SDK2: variants seen among roughly 807,000 people sequenced by gnomAD.
The protein encoded by SDK2 is protein sidekick-2.
In SDK2, 105 loss-of-function variants were observed where a neutral mutation model predicts 253.9. The observed-to-expected ratio is 0.41, with a 90% CI of 0.35 to 0.49. The LOEUF (loss-of-function observed/expected upper bound fraction) is 0.49. Ranked by LOEUF, SDK2 falls within the 20% of genes least tolerant of loss-of-function variation. The pLI is 0.06. For missense variants in SDK2, 2,608 were observed against 3,003.0 expected (o/e 0.87, Z 3.07); for synonymous variants, 1,249 against 1,234.9 (o/e 1.01, Z -0.24).
intron 2 of SDK2, among the ~76,000 whole-genome samples, chr17:73,484,456 T>C (rs1415830225): frequency 1.3e-5 from 2 of 152,194 alleles, no homozygotes; most frequent in Non-Finnish European, 2.9e-5. Context: ...TGCACAGTGG[T>C]GCTGGCTGAG....
chr17:73,433,184 G>A (rs1395571922), intron 10 of SDK2, among the ~76,000 whole-genome samples: 1 of 152,180 alleles, frequency 6.6e-6, no homozygotes, highest in Non-Finnish European at 1.5e-5. Context: ...TTACAGATGG[G>A]GAACCTGAGG....
rs1188169326 is a variant in SDK2 at position 73,483,639 on chromosome 17, A to ATGTGTGTG, written c.225-11422_225-11421insCACACACA. On this transcript the variant is annotated intron_variant, in intron 2 of 44. Coordinates refer to ENST00000392650, the MANE Select transcript of SDK2 (RefSeq NM_001144952.2). ...TGTATATATATGTATATGTATATATATATGTGTGTGTGTGTGTGTGTGTAT... is the reference window on the plus strand; with the variant it reads ...TGTATATATATGTATATGTATATATATGTGTGTGTATGTGTGTGTGTGTGTGTGTGTAT... Among the ~76,000 whole-genome samples, 142 of 48,214 alleles carry ATGTGTGTG rather than the reference A, an allele frequency of 2.9e-3. 9 individuals are homozygous for ATGTGTGTG. Among genetic ancestry groups the ATGTGTGTG allele is most frequent in the African/African-American group, 9.7e-3 (128 of 13,168 alleles). The allele number at this position is 48,214 out of a possible 152,430, so 31.6% of individuals were successfully genotyped here. A position where few individuals can be genotyped will look rare whatever the true frequency, so the allele number is the denominator to read the frequency against.
At position 73,476,065 on chromosome 17, in the gene SDK2, T is replaced by C. The variant is rs576865014; in HGVS notation, c.225-3847A>G. On this transcript the variant is annotated intron_variant, in intron 2 of 44. Transcript: ENST00000392650. ...AGGTGGAGGTTGCAGTGAGCTGAGA[T>C]TGCACCACTGCACTCCAGCCTGGGC... Among the ~76,000 whole-genome samples the C allele has an allele frequency of 2.6e-5, 4 of 152,184 alleles. No individual in the cohort carries two copies. In the South Asian group the frequency reaches 8.3e-4, roughly 32 times the overall value.
intron 21 of SDK2, among the ~76,000 whole-genome samples, chr17:73,400,657 TTTA>T (rs1483030031): frequency 6.7e-6 from 1 of 148,700 alleles, no homozygotes; most frequent in Non-Finnish European, 1.5e-5. Context: ...GGGGCCTCTT[TTTA>T]TTTTTTTTTT....
At chr17:73,369,084 C>G (rs532382737) in intron 36 of SDK2, 79 of 442,104 alleles carry the variant, frequency 1.8e-4, no homozygotes, top group Admixed American at 4.1e-4. Flanking sequence ...AGCCAAGACC[C>G]TGGTCTCTGC....
At chr17:73,454,801 T>C (rs1364037936) in intron 4 of SDK2, among the ~76,000 whole-genome samples, 2 of 152,260 alleles carry the variant, frequency 1.3e-5, no homozygotes, top group African/African-American at 4.8e-5. Context: ...ACTCCCAGGT[T>C]CAAGCGATTC....
At chr17:73,601,335 G>A (rs1041916201) in intron 1 of SDK2, among the ~76,000 whole-genome samples, 5 of 152,070 alleles carry the variant, frequency 3.3e-5, no homozygotes, top group Admixed American at 1.3e-4. Flanking sequence ...AATGATCTAA[G>A]TTTAAGCACA....
chr17:73,560,627 A>T (rs2045218654), intron 1 of SDK2, among the ~76,000 whole-genome samples: 1 of 152,258 alleles, frequency 6.6e-6, no homozygotes, highest in Admixed American at 6.5e-5. Flanking sequence ...GGCATGAGCC[A>T]CCTCGCCTGG....
intron 1 of SDK2, among the ~76,000 whole-genome samples, chr17:73,553,609 C>G (rs1422690224): frequency 2.0e-5 from 3 of 152,144 alleles, no homozygotes; most frequent in Non-Finnish European, 4.4e-5. Context: ...CAGGGTCACC[C>G]CTGAGCCACT....
intron 1 of SDK2, among the ~76,000 whole-genome samples, chr17:73,576,700 G>C (rs1225552352): frequency 6.6e-6 from 1 of 152,192 alleles, no homozygotes; most frequent in Non-Finnish European, 1.5e-5. Context: ...CTCCCCCAGA[G>C]AGGCCAGGGG....
At chr17:73,477,134 C>A (rs554538834) in intron 2 of SDK2, among the ~76,000 whole-genome samples, 1 of 152,202 alleles carries the variant, frequency 6.6e-6, no homozygotes, top group Admixed American at 6.5e-5. Flanking sequence ...GCCAGCTTCT[C>A]GGTTTGTGAG....
At chr17:73,414,550 A>G (rs1032052928) in intron 18 of SDK2, 94 bp downstream of exon 18, 10 of 901,144 alleles carry the variant, frequency 1.1e-5, no homozygotes, top group Admixed American at 8.3e-5. Context: ...TCAGAAACAG[A>G]GGGGGGATTT....
chr17:73,383,795 G>A lies in SDK2; in HGVS notation c.4705+81C>T, dbSNP rs894702854. 1 of 1,569,506 alleles carries A rather than the reference G, an allele frequency of 6.4e-7. No individual in the cohort carries two copies. The highest frequency in any genetic ancestry group is 8.7e-7 in the Non-Finnish European group (1 of 1,147,242). ...AGGTTTCAGGTTAGAGTGGTTCCAG[G>A]AAGCTGAGAGCTCCAGAGCGGGAAG... On this transcript the variant is annotated intron_variant, in intron 33 of 44. Coordinates refer to ENST00000392650, the MANE Select transcript of SDK2 (RefSeq NM_001144952.2). The surrounding 1 kb of genome is among the most constrained non-coding windows in gnomAD (Gnocchi z 4.3).
chr17:73,532,049 G>C (rs531862388), intron 1 of SDK2, among the ~76,000 whole-genome samples: 1 of 152,136 alleles, frequency 6.6e-6, no homozygotes, highest in Non-Finnish European at 1.5e-5. Context: ...GTTCTCAAGG[G>C]GGGGTCATTC....
chr17:73,562,858 A>G (rs1334286740), intron 1 of SDK2, among the ~76,000 whole-genome samples: 1 of 152,260 alleles, frequency 6.6e-6, no homozygotes, highest in Non-Finnish European at 1.5e-5. Flanking sequence ...CAGCAGCCGC[A>G]CGAGGCAGGT....
chr17:73,341,182 T>G (rs1000809547), intron 44 of SDK2, among the ~76,000 whole-genome samples: 12 of 151,412 alleles, frequency 7.9e-5, no homozygotes, highest in Non-Finnish European at 1.2e-4. Flanking sequence ...ACACCCAGCC[T>G]GAAGTTCTTT....
intron 40 of SDK2, among the ~76,000 whole-genome samples, chr17:73,356,694 C>G (rs545815323): frequency 1.1e-4 from 16 of 152,308 alleles, no homozygotes; most frequent in African/African-American, 3.8e-4. Context: ...GCCCCCTCTC[C>G]TCCCTCCTCC....
Position 73,348,677 on chromosome 17 carries a change from A to T in SDK2, c.6087T>A (p.Asp2029Glu). Reference protein sequence around the residue: ...SPGSLHYSDEDVTKYNDLIPA... With the variant: ...SPGSLHYSDEEVTKYNDLIPA... The stretch of plus-strand genomic sequence containing the variant: ...GGATGAGGTCGTTGTATTTGGTGAC[A>T]TCCTCATCCGAGTAGTGCAGGCTGC... Residue 2029 changes from aspartate to glutamate, a missense_variant, in exon 44 of 45, where the codon GAT (aspartate) becomes GAA (glutamate). Asp to Glu is a conservative substitution (Grantham distance 45). Around this residue, in one of 2 missense-constraint regions of SDK2, gnomAD observed 1,103 missense variants for 1,143.9 expected, o/e 0.96. Coordinates refer to ENST00000392650, the MANE Select transcript of SDK2 (RefSeq NM_001144952.2). 1 of 1,612,120 alleles carries T rather than the reference A, an allele frequency of 6.2e-7. No homozygotes were observed. Among genetic ancestry groups the T allele is most frequent in the East Asian group, 2.2e-5 (1 of 44,876 alleles).
chr17:73,352,412 A>G lies in SDK2; in HGVS notation c.5758+61T>C, dbSNP rs1568361981. ...TGCCTCTCCTCCTTCCGCCCTGCCC[A>G]GTGTCAGCCCCCAGGCTCTGCTGTG... On this transcript the variant is annotated intron_variant, in intron 41 of 44. Transcript: ENST00000392650. The surrounding 1 kb of genome is among the most constrained non-coding windows in gnomAD (Gnocchi z 4.1). 9 of 1,558,098 alleles carry G rather than the reference A, an allele frequency of 5.8e-6. No individual in the cohort carries two copies. Among genetic ancestry groups the G allele is most frequent in the Non-Finnish European group, 7.8e-6 (9 of 1,150,232 alleles).
Sources: gnomAD v4.1 joint callset for allele counts (sites outside exome capture counted in the v4.1 genomes callset) on GRCh38, gnomAD v4.1.1 for gene constraint, gnomAD v4.1.1 regional missense constraint, Gnocchi (gnomAD v3.1) non-coding constraint, MANE v1.5 for transcripts, NCBI Gene and HGNC (gene_info 2026-07-23, HGNC 2026-07-21) for gene names.